The following C1orf159 variants were observed in gnomAD, a reference collection of about 807,000 sequenced individuals.
C1orf159 encodes the protein chromosome 1 open reading frame 159.
C1orf159 carries 19 observed loss-of-function variants against 25.6 expected under a neutral mutation model. That is an observed-to-expected ratio of 0.74 (90% confidence interval 0.52 to 1.09). The LOEUF is 1.09. Ranked by LOEUF, C1orf159 falls within the 50% of genes least tolerant of loss-of-function variation. C1orf159 has a pLI of 0.00. For synonymous variants in C1orf159, 139 were observed against 124.7 expected (o/e 1.12, Z -0.77); for missense variants, 274 against 290.6 (o/e 0.94, Z 0.42).
chr1:1,115,261 G>A (rs1428816866), intron 1 of C1orf159, among the ~76,000 whole-genome samples: 3 of 140,228 alleles, frequency 2.1e-5, no homozygotes, highest in Admixed American at 2.0e-4. Context: ...TCATCGACTC[G>A]CTGCCACCGG....
At chr1:1,102,659 G>A (rs773695947) in intron 1 of C1orf159, among the ~76,000 whole-genome samples, 1 of 143,422 alleles carries the variant, frequency 7.0e-6, no homozygotes, top group African/African-American at 2.5e-5. Flanking sequence ...ATTGCCAGGC[G>A]TAGTGGTGGG....
intron 1 of C1orf159, among the ~76,000 whole-genome samples, chr1:1,112,115 C>T (rs1646265878): frequency 6.6e-6 from 1 of 152,174 alleles, no homozygotes; most frequent in South Asian, 2.1e-4. Context: ...AGGCCACCAT[C>T]AGGTGATGGT....
rs1166672074 is a variant in C1orf159, at chr1:1,108,302, C to T, written c.-136+7758G>A. Among the ~76,000 whole-genome samples, 6 of 139,396 alleles carry T rather than the reference C, an allele frequency of 4.3e-5. No homozygotes were observed. In the South Asian group the frequency reaches 7.3e-4, roughly 17 times the overall value. The allele number at this position is 139,396 out of a possible 152,430, so 91.4% of individuals were successfully genotyped here. A position where few individuals can be genotyped will look rare whatever the true frequency, so the allele number is the denominator to read the frequency against. On this transcript the variant is annotated intron_variant, in intron 1 of 9. Transcript: ENST00000421241. ...CACCACAGCCACCATGTCTCGGCACCGTTCACCACAGCCACCATGTCTCAG... is the reference window on the plus strand; with the variant it reads ...CACCACAGCCACCATGTCTCGGCACTGTTCACCACAGCCACCATGTCTCAG...
In C1orf159 at chr1:1,113,144, C is replaced by T. The variant is rs188481709; in HGVS notation, c.-136+2916G>A. Among the ~76,000 whole-genome samples, 9 of 151,268 alleles carry T rather than the reference C, an allele frequency of 5.9e-5. No individual in the cohort carries two copies. The East Asian group carries it at 1.4e-3, about 23-fold the overall frequency. On this transcript the variant is annotated intron_variant, in intron 1 of 9. Transcript: ENST00000421241. ...CCGGGAGGCAGAGCTTGCAGTGAGCCGAGATTGTGCCACTGCACTCCAGCC... is the reference window on the plus strand; with the variant it reads ...CCGGGAGGCAGAGCTTGCAGTGAGCTGAGATTGTGCCACTGCACTCCAGCC...
chr1:1,084,374 T>G lies in C1orf159; in HGVS notation c.481A>C (p.Ile161Leu), dbSNP rs753070644. ...TTACCTGAGGACTGTGGCGGGGGGATCATTGCAGCCTTGAAAAGGAGAGAA... is the reference window on the plus strand; with the variant it reads ...TTACCTGAGGACTGTGGCGGGGGGAGCATTGCAGCCTTGAAAAGGAGAGAA... The part of the protein sequence containing the change: ...ALQPGEAAAM[I>L]PPPQSSVRKP... The change falls in exon 9 of 10, where the codon ATC becomes CTC. Residue 161 changes from isoleucine (I) to leucine (L), a missense_variant. Transcript: ENST00000421241. 6.4e-7 allele frequency: 1 copy of G among 1,563,508 alleles called. No individual in the cohort carries two copies. The highest frequency in any genetic ancestry group is 1.4e-5 in the African/African-American group (1 of 73,018).
rs1646242960 is a variant in C1orf159, at chr1:1,110,554, C to T, written c.-136+5506G>A. 1.3e-5 allele frequency among the ~76,000 whole-genome samples: 2 copies of T among 151,336 alleles called. No homozygotes were observed. The highest frequency in any genetic ancestry group is 2.1e-4 in the South Asian group (1 of 4,816). ...GTGGACAGTGCTCAACACGGGTGAG[C>T]GTCAGGGAAATGCAAACTAAAGCCT... On this transcript the variant is annotated intron_variant, in intron 1 of 9. Coordinates refer to ENST00000421241, the MANE Select transcript of C1orf159 (RefSeq NM_017891.5). The surrounding 1 kb of genome is among the most constrained non-coding windows in gnomAD (Gnocchi z 4.8).
chr1:1,113,193 C>T (rs1646285636), intron 1 of C1orf159, among the ~76,000 whole-genome samples: 1 of 124,632 alleles, frequency 8.0e-6, no homozygotes, highest in Non-Finnish European at 1.8e-5. Flanking sequence ...CAGACTCCAT[C>T]TCAAAAAAAA....
chr1:1,090,345 C>T lies in C1orf159; in HGVS notation c.148+8G>A, dbSNP rs186537688. 9.9e-5 allele frequency: 153 copies of T among 1,550,370 alleles called. No homozygotes were observed. The highest frequency in any genetic ancestry group is 8.4e-4 in the Admixed American group (43 of 50,988). Reference sequence around the variant, plus strand: ...GGTCTGGAATCTGCTTGGGACAAAGCGGCTTACCTGGACCACACAGACTTG... The same window carrying T: ...GGTCTGGAATCTGCTTGGGACAAAGTGGCTTACCTGGACCACACAGACTTG... On this transcript the variant is annotated splice_region_variant and intron_variant, in intron 4 of 9. Transcript: ENST00000421241.
rs185441674 is a variant in C1orf159, at chr1:1,090,635, A to G, written c.73-207T>C. On this transcript the variant is annotated intron_variant, in intron 3 of 9. Transcript: ENST00000421241. ...CAGCCACAGTGCACATCCCTGTGGG[A>G]CCCTGGGTGGGCGGTCTCCAAGGAA... 8.3e-4 allele frequency: 575 copies of G among 692,186 alleles called. 2 individuals carry two copies. The African/African-American group carries it at 9.2e-3, about 11-fold the overall frequency. The allele number at this position is 692,186 out of a possible 1,614,324, so 42.9% of individuals were successfully genotyped here. A position where few individuals can be genotyped will look rare whatever the true frequency, so the allele number is the denominator to read the frequency against.
chr1:1,083,907 G>T (rs1479192177), intron 9 of C1orf159: 1 of 1,568,040 alleles, frequency 6.4e-7, no homozygotes. Flanking sequence ...CATAAAATGG[G>T]TCCTAACCGG....
chr1:1,107,583 C>T lies in C1orf159; in HGVS notation c.-136+8477G>A, dbSNP rs140069056. ...ATCATTCTGTGTCTAGCTCAGGGAT[C>T]GTAAACGCACTAATCAGCACCCTGT... On this transcript the variant is annotated intron_variant, in intron 1 of 9. Coordinates refer to ENST00000421241, the MANE Select transcript of C1orf159 (RefSeq NM_017891.5). Among the ~76,000 whole-genome samples, 393 of 152,254 alleles carry T rather than the reference C, an allele frequency of 2.6e-3. 1 individual carries two copies. Among genetic ancestry groups the T allele is most frequent in the African/African-American group, 8.1e-3 (338 of 41,534 alleles).
chr1:1,098,163 G>A (rs923917911), intron 1 of C1orf159, among the ~76,000 whole-genome samples: 1 of 152,010 alleles, frequency 6.6e-6, no homozygotes, highest in Admixed American at 6.5e-5. Flanking sequence ...CCACCTCTAG[G>A]GTTTTTAAGC....
At chr1:1,097,263 T>C (rs918902359) in intron 1 of C1orf159, among the ~76,000 whole-genome samples, 1 of 151,698 alleles carries the variant, frequency 6.6e-6, no homozygotes, top group South Asian at 2.1e-4. Flanking sequence ...CCCACCACCA[T>C]GCCTGGCTAA....
Position 1,091,505 on chromosome 1 carries a change from G to A in C1orf159, c.39C>T (p.Leu13=), listed in dbSNP as rs753295898. The change falls in exon 3 of 10, where the codon CTC becomes CTT. Residue 13 remains leucine, a synonymous_variant. Coordinates refer to ENST00000421241, the MANE Select transcript of C1orf159 (RefSeq NM_017891.5). ...LRHLALLAGL[L]VGVASKSMEN... ...CCATGGACTTGCTGGCGACTCCCAC[G>A]AGAAGGCCAGCCAGGAGGGCGAGGT... is the stretch of plus-strand genomic sequence containing the variant. 134 of 1,550,230 alleles carry A rather than the reference G, an allele frequency of 8.6e-5. No homozygotes were observed. The highest frequency in any genetic ancestry group is 1.1e-4 in the South Asian group (9 of 84,038).
At chr1:1,104,589 C>T (rs773302951) in intron 1 of C1orf159, among the ~76,000 whole-genome samples, 2 of 152,150 alleles carry the variant, frequency 1.3e-5, no homozygotes, top group East Asian at 3.9e-4. Context: ...AGTTTCTAGA[C>T]GGTGGGCGCT....
At chr1:1,092,174 C>T (rs561512786) in intron 1 of C1orf159, 71 bp from the exon 2 acceptor site, 189 of 347,878 alleles carry the variant, frequency 5.4e-4, no homozygotes, top group South Asian at 1.1e-3. Flanking sequence ...GCCTACGGTG[C>T]GGGGTCTGGG....
chr1:1,114,074 G>GC (rs1404679189), intron 1 of C1orf159, among the ~76,000 whole-genome samples: 1 of 152,002 alleles, frequency 6.6e-6, no homozygotes, highest in African/African-American at 2.4e-5. Context: ...CCGCCACCAT[G>GC]CCCGGCTAAT....
intron 3 of C1orf159, 164 bp downstream of exon 3, chr1:1,091,308 A>C: frequency 2.6e-6 from 2 of 760,326 alleles, no homozygotes. Flanking sequence ...CCCCTCTGCG[A>C]GGCACAGGCC....
chr1:1,085,984 G>T lies in C1orf159; in HGVS notation c.339C>A (p.Phe113Leu). 1.2e-6 allele frequency: 2 copies of T among 1,613,222 alleles called. No individual in the cohort carries two copies. Among genetic ancestry groups the T allele is most frequent in the African/African-American group, 2.7e-5 (2 of 75,066 alleles). Residue 113 changes from phenylalanine to leucine, a missense_variant, in exon 7 of 10, where the codon TTC (phenylalanine) becomes TTA (leucine). Physicochemically the swap from Phe to Leu is conservative, Grantham distance 22 (BLOSUM62 0). Coordinates refer to ENST00000421241, the MANE Select transcript of C1orf159 (RefSeq NM_017891.5). ...CGGAGCTAATGAAGAACGTGCCCAGGAAGAGGGAGGCGGCCACGCGCGGAG... is the reference window on the plus strand; with the variant it reads ...CGGAGCTAATGAAGAACGTGCCCAGTAAGAGGGAGGCGGCCACGCGCGGAG... ...PGAPRVAASL[F>L]LGTFFISSGL...
Sources: allele counts gnomAD v4.1 joint callset (sites outside exome capture counted in the v4.1 genomes callset), GRCh38; gene constraint gnomAD v4.1.1; non-coding constraint Gnocchi (gnomAD v3.1); transcripts MANE v1.5; gene names NCBI Gene and HGNC (gene_info 2026-07-23, HGNC 2026-07-21).